KDM4C: variants seen among roughly 807,000 people sequenced by gnomAD.
The protein encoded by KDM4C is lysine demethylase 4C.
Under a neutral mutation model 129.3 loss-of-function variants are expected in KDM4C, and 81 were observed. That is an observed-to-expected ratio of 0.63 (90% confidence interval 0.52 to 0.75). KDM4C has a LOEUF of 0.75. KDM4C is among the 30% of genes least tolerant of loss of function. KDM4C has a pLI of 0.00. For missense variants in KDM4C, 1,457 were observed against 1,304.0 expected, an observed-to-expected ratio of 1.12 and a Z score of -1.81; for synonymous variants, 573 against 456.1, an observed-to-expected ratio of 1.26 and a Z score of -3.26.
intron 1 of KDM4C, among the ~76,000 whole-genome samples, chr9:6,763,913 A>G (rs952258422): frequency 6.6e-6 from 1 of 152,080 alleles, no homozygotes; most frequent in African/African-American, 2.4e-5. Context: ...CTGCGCTACC[A>G]CGCCCAGCTA....
chr9:7,122,078 A>G (rs899174137), intron 18 of KDM4C, among the ~76,000 whole-genome samples: 3 of 152,036 alleles, frequency 2.0e-5, no homozygotes, highest in Non-Finnish European at 4.4e-5. Flanking sequence ...AGACTGGGTA[A>G]TTTATAAAGA....
chr9:7,071,260 C>G (rs1430048091), intron 17 of KDM4C, among the ~76,000 whole-genome samples: 2 of 152,018 alleles, frequency 1.3e-5, no homozygotes, highest in Non-Finnish European at 2.9e-5. Flanking sequence ...CAGTGTAATT[C>G]TAATGAAATT....
chr9:6,758,144 G>A lies in KDM4C; in HGVS notation c.-77G>A. The A allele has an allele frequency of 1.0e-6, 1 of 985,684 alleles. No individual in the cohort carries two copies. The highest frequency in any genetic ancestry group is 1.2e-6 in the Non-Finnish European group (1 of 830,162). The allele number at this position is 985,684 out of a possible 1,614,324, so 61.1% of individuals were successfully genotyped here. Reference sequence around the variant, plus strand: ...ATTTCCCAAATCTCCCTGGGCCGGAGGCCACTGTCTTCTCTTCCTCCTCCA... The same window carrying A: ...ATTTCCCAAATCTCCCTGGGCCGGAAGCCACTGTCTTCTCTTCCTCCTCCA... On this transcript the variant is annotated 5_prime_UTR_variant, in exon 1 of 22. Transcript: ENST00000381309. This position sits in a 1 kb window ranked among gnomAD's most constrained non-coding sequence, Gnocchi z 4.6.
chr9:7,079,699 A>T (rs1450979331), intron 17 of KDM4C, among the ~76,000 whole-genome samples: 1 of 152,180 alleles, frequency 6.6e-6, no homozygotes, highest in Non-Finnish European at 1.5e-5. Flanking sequence ...GCATAGTCGA[A>T]TTCTGTGATT....
At chr9:7,124,426 G>A (rs1839826384) in intron 18 of KDM4C, among the ~76,000 whole-genome samples, 1 of 152,118 alleles carries the variant, frequency 6.6e-6, no homozygotes, top group East Asian at 1.9e-4. Flanking sequence ...GGCCACACAG[G>A]TTGTGAATGT....
At chr9:6,844,269 T>A (rs1837469295) in intron 4 of KDM4C, among the ~76,000 whole-genome samples, 1 of 150,962 alleles carries the variant, frequency 6.6e-6, no homozygotes, top group Non-Finnish European at 1.5e-5. Flanking sequence ...TTTAAGTTTT[T>A]CTAATTTACA....
chr9:6,914,424 A>C (rs1285718621), intron 8 of KDM4C, among the ~76,000 whole-genome samples: 1 of 152,178 alleles, frequency 6.6e-6, no homozygotes, highest in Non-Finnish European at 1.5e-5. Flanking sequence ...AGATGAGTAC[A>C]TCATTTCCTG....
At chr9:7,020,194 C>G (rs1417508812) in intron 15 of KDM4C, among the ~76,000 whole-genome samples, 5 of 152,166 alleles carry the variant, frequency 3.3e-5, no homozygotes, top group Non-Finnish European at 2.9e-5. Flanking sequence ...AGATTAGTTA[C>G]AATTTTTTAT....
intron 1 of KDM4C, among the ~76,000 whole-genome samples, chr9:6,752,332 CAAAAAAAAA>C (rs1159747148): frequency 3.1e-4 from 6 of 19,256 alleles, no homozygotes; most frequent in South Asian, 3.2e-3. Flanking sequence ...AACTCCGTCT[CAAAAAAAAA>C]AAAAAAAAAA....
intron 4 of KDM4C, among the ~76,000 whole-genome samples, chr9:6,817,463 C>G (rs1832330207): frequency 6.6e-6 from 1 of 152,080 alleles, no homozygotes; most frequent in South Asian, 2.1e-4. Context: ...CTTCAGCTTC[C>G]CAAAGTGTTG....
intron 5 of KDM4C, among the ~76,000 whole-genome samples, chr9:6,856,786 T>C (rs1179599359): frequency 6.9e-6 from 1 of 145,926 alleles, no homozygotes; most frequent in Non-Finnish European, 1.5e-5. Flanking sequence ...AGTCTCGCTC[T>C]GTCGCCCAGG....
At chr9:6,986,689 T>G (rs770765741) in intron 11 of KDM4C, 23 bp downstream of exon 11, 72 of 1,533,298 alleles carry the variant, frequency 4.7e-5, no homozygotes, top group Non-Finnish European at 7.1e-6. Flanking sequence ...ATCCATTTTT[T>G]ACCATATTCA....
At chr9:6,854,643 A>G (rs7021629) in intron 5 of KDM4C, among the ~76,000 whole-genome samples, 17,697 of 152,138 alleles carry the variant, frequency 0.12, 1,161 homozygotes, top group East Asian at 0.26. Context: ...TAAAATCAGG[A>G]AAGGTTTTCC....
intron 3 of KDM4C, among the ~76,000 whole-genome samples, chr9:6,809,691 T>C (rs771353621): frequency 1.3e-5 from 2 of 152,220 alleles, no homozygotes; most frequent in Non-Finnish European, 2.9e-5. Context: ...AAAAGTAATA[T>C]GTGCTTATTT....
chr9:6,923,550 A>C (rs1188662652), intron 8 of KDM4C, among the ~76,000 whole-genome samples: 1 of 152,194 alleles, frequency 6.6e-6, no homozygotes, highest in East Asian at 1.9e-4. Context: ...TTTACTTTCC[A>C]TGAATTCCAA....
intron 5 of KDM4C, among the ~76,000 whole-genome samples, chr9:6,861,041 T>G (rs1422183167): frequency 6.6e-6 from 1 of 152,228 alleles, no homozygotes; most frequent in African/African-American, 2.4e-5. Context: ...GATTGATAAC[T>G]TTTACCCAAG....
chr9:7,115,998 C>A (rs1341465580), intron 18 of KDM4C, among the ~76,000 whole-genome samples: 1 of 152,122 alleles, frequency 6.6e-6, no homozygotes, highest in Non-Finnish European at 1.5e-5. Flanking sequence ...GTCTTCTCAT[C>A]CTACACTGGT....
rs1239356979 is a variant in KDM4C at position 6,758,751 on chromosome 9, A to C, written c.-18+548A>C. The stretch of plus-strand genomic sequence containing the variant: ...TGTTTCTTTCCCCCGGCATGGGGCC[A>C]TTTCTTCCTGCAGTGCCTGGAGGAA... On this transcript the variant is annotated intron_variant, in intron 1 of 21. Coordinates refer to ENST00000381309, the MANE Select transcript of KDM4C (RefSeq NM_015061.6). The surrounding 1 kb of genome is among the most constrained non-coding windows in gnomAD (Gnocchi z 4.6). 2.0e-5 allele frequency among the ~76,000 whole-genome samples: 3 copies of C among 152,128 alleles called. No homozygotes were observed. The highest frequency in any genetic ancestry group is 7.2e-5 in the African/African-American group (3 of 41,424).
At chr9:6,985,156 A>T (rs1408705323) in intron 10 of KDM4C, among the ~76,000 whole-genome samples, 5 of 152,086 alleles carry the variant, frequency 3.3e-5, no homozygotes, top group African/African-American at 1.2e-4. Flanking sequence ...CTTCCTTCTT[A>T]TTCAGGAATG....
Sources: gnomAD v4.1 joint callset for allele counts (sites outside exome capture counted in the v4.1 genomes callset) on GRCh38, gnomAD v4.1.1 for gene constraint, Gnocchi (gnomAD v3.1) non-coding constraint, MANE v1.5 for transcripts, NCBI Gene and HGNC (gene_info 2026-07-23, HGNC 2026-07-21) for gene names.